NPAT: variants seen among roughly 807,000 people sequenced by gnomAD.
NPAT encodes the protein protein NPAT.
A neutral mutation model predicts 130.7 loss-of-function variants in NPAT; 52 were observed. That is an observed-to-expected ratio of 0.40 (90% confidence interval 0.32 to 0.50). The LOEUF (loss-of-function observed/expected upper bound fraction) is 0.50. NPAT is among the 20% of genes least tolerant of loss of function. NPAT has a pLI of 0.68. For missense variants in NPAT, 1,687 were observed against 1,662.6 expected (o/e 1.01, Z -0.26); for synonymous variants, 580 against 584.8 (o/e 0.99, Z 0.12).
intron 1 of NPAT, among the ~76,000 whole-genome samples, chr11:108,199,470 A>T (rs1427248189): frequency 6.6e-6 from 1 of 152,200 alleles, no homozygotes; most frequent in Non-Finnish European, 1.5e-5. Flanking sequence ...CACTGAATGG[A>T]TCCTGTGTCA....
chr11:108,214,712 A>C (rs897242151), intron 1 of NPAT, among the ~76,000 whole-genome samples: 7 of 149,362 alleles, frequency 4.7e-5, no homozygotes. Flanking sequence ...GGCTCACTGC[A>C]ACCTCTGCCT....
intron 10 of NPAT, among the ~76,000 whole-genome samples, chr11:108,184,345 G>A (rs1382957103): frequency 4.0e-5 from 6 of 151,812 alleles, no homozygotes; most frequent in East Asian, 1.9e-4. Context: ...GGTGGTGGGC[G>A]CCTGTAGTCC....
In NPAT at chr11:108,197,330, T is replaced by A; in HGVS notation, c.128A>T (p.Asp43Val). ...DLKEYAEHCTDEGFIPACLLS... is the reference protein window; with the variant it reads ...DLKEYAEHCTVEGFIPACLLS... Reference sequence around the variant, plus strand: ...TAAGCAGGCTGGAATAAACCCTTCATCTGTACAATGTTCTGCATATTCTTT... The same window carrying A: ...TAAGCAGGCTGGAATAAACCCTTCAACTGTACAATGTTCTGCATATTCTTT... The change falls in exon 2 of 18, where the codon GAT becomes GTT. Residue 43 changes from aspartate to valine, a missense_variant. This residue lies in a region of NPAT where 307 missense variants were observed against 298.9 expected (regional missense o/e 1.03). Transcript: ENST00000278612. The A allele has an allele frequency of 2.5e-6, 4 of 1,610,378 alleles. No individual in the cohort carries two copies. Among genetic ancestry groups the A allele is most frequent in the South Asian group, 1.1e-5 (1 of 91,006 alleles).
intron 1 of NPAT, among the ~76,000 whole-genome samples, chr11:108,204,544 G>A (rs948232350): frequency 3.3e-5 from 5 of 151,356 alleles, no homozygotes; most frequent in African/African-American, 9.7e-5. Flanking sequence ...ACAAAACCCT[G>A]GAACCTGCCG....
chr11:108,210,785 T>C (rs527625125), intron 1 of NPAT, among the ~76,000 whole-genome samples: 35 of 152,310 alleles, frequency 2.3e-4, no homozygotes, highest in African/African-American at 7.7e-4. Context: ...CTACAAAACA[T>C]TGAATGAAAC....
chr11:108,201,891 C>T (rs537504436), intron 1 of NPAT, among the ~76,000 whole-genome samples: 20 of 152,312 alleles, frequency 1.3e-4, no homozygotes, highest in Non-Finnish European at 2.6e-4. Flanking sequence ...CCTATGCGGT[C>T]AGAGAGGACC....
chr11:108,172,546 C>A lies in NPAT; in HGVS notation c.2438G>T (p.Ser813Ile). 1 of 1,614,186 alleles carries A rather than the reference C, an allele frequency of 6.2e-7. No individual in the cohort carries two copies. The highest frequency in any genetic ancestry group is 8.5e-7 in the Non-Finnish European group (1 of 1,180,038). Residue 813 changes from serine (S) to isoleucine (I), a missense_variant, in exon 13 of 18, where the codon AGT (serine) becomes ATT (isoleucine). Around this residue, in one of 3 missense-constraint regions of NPAT, gnomAD observed 1,379 missense variants for 1,346.6 expected, o/e 1.02. Coordinates refer to ENST00000278612, the MANE Select transcript of NPAT (RefSeq NM_002519.3). The part of the protein sequence containing the change: ...EVGDSASMEQ[S>I]LLTFKSEDSA... The stretch of plus-strand genomic sequence containing the variant: ...GTCTTCAGATTTGAATGTTAAAAGA[C>A]TCTGTTCCATTGAGGCTGAATCCCC...
At chr11:108,192,043 T>C (rs1283987058) in intron 4 of NPAT, 75 bp downstream of exon 4, 18 of 964,652 alleles carry the variant, frequency 1.9e-5, no homozygotes, top group Non-Finnish European at 2.9e-5. Flanking sequence ...GTACACTGTG[T>C]AGGTCTTAAG....
At chr11:108,212,836 C>T (rs1156675471) in intron 1 of NPAT, among the ~76,000 whole-genome samples, 1 of 146,056 alleles carries the variant, frequency 6.8e-6, no homozygotes, top group Non-Finnish European at 1.5e-5. Context: ...ATCCCAGCTG[C>T]TAGGGAGGCT....
rs749021695 is a variant in NPAT at position 108,197,338 on chromosome 11, A to C, written c.120T>G (p.His40Gln). The change falls in exon 2 of 18, where the codon CAT becomes CAG. Residue 40 changes from histidine (H) to glutamine (Q), a missense_variant. By Grantham distance (24) the His-to-Gln change is conservative (BLOSUM62 0). Coordinates refer to ENST00000278612, the MANE Select transcript of NPAT (RefSeq NM_002519.3). ...ESSDLKEYAE[H>Q]CTDEGFIPAC... is the part of the protein sequence containing the mutation. ...CTGGAATAAACCCTTCATCTGTACA[A>C]TGTTCTGCATATTCTTTTAAATCTG... 1 of 1,612,484 alleles carries C rather than the reference A, an allele frequency of 6.2e-7. No homozygotes were observed. The highest frequency in any genetic ancestry group is 1.3e-5 in the African/African-American group (1 of 75,016).
At chr11:108,185,160 G>T in intron 10 of NPAT, 72 bp downstream of exon 10, 1 of 1,043,958 alleles carries the variant, frequency 9.6e-7, no homozygotes, top group Non-Finnish European at 1.5e-6. Context: ...GTTTTGAAAT[G>T]AAACCAAAAT....
intron 1 of NPAT, among the ~76,000 whole-genome samples, chr11:108,205,876 C>T (rs2078320576): frequency 6.6e-6 from 1 of 152,094 alleles, no homozygotes; most frequent in African/African-American, 2.4e-5. Flanking sequence ...AACCCCATCT[C>T]TACTAAAAAT....
rs755989439 is a variant in NPAT, at chr11:108,197,334, T to C, written c.124A>G (p.Thr42Ala). ...SDLKEYAEHC[T>A]DEGFIPACLL... ...CAGGCTGGAATAAACCCTTCATCTGTACAATGTTCTGCATATTCTTTTAAA... is the reference window on the plus strand; with the variant it reads ...CAGGCTGGAATAAACCCTTCATCTGCACAATGTTCTGCATATTCTTTTAAA... The change falls in exon 2 of 18, where the codon ACA becomes GCA. Residue 42 changes from threonine to alanine, a missense_variant. Coordinates refer to ENST00000278612, the MANE Select transcript of NPAT (RefSeq NM_002519.3). 1.3e-5 allele frequency: 21 copies of C among 1,611,670 alleles called. No homozygotes were observed. The highest frequency in any genetic ancestry group is 3.3e-5 in the Admixed American group (2 of 60,002).
At chr11:108,211,209 C>T (rs892658566) in intron 1 of NPAT, among the ~76,000 whole-genome samples, 2 of 150,474 alleles carry the variant, frequency 1.3e-5, no homozygotes, top group African/African-American at 2.5e-5. Flanking sequence ...AGTGAGACAC[C>T]GTCTAAAAAA....
intron 1 of NPAT, chr11:108,208,421 C>T (rs1289541897): frequency 8.8e-6 from 4 of 455,704 alleles, no homozygotes; most frequent in South Asian, 6.2e-5. Context: ...GAGAACCCAC[C>T]TCTATGGTTT....
intron 1 of NPAT, among the ~76,000 whole-genome samples, chr11:108,219,317 G>A (rs1294462474): frequency 6.6e-6 from 1 of 152,104 alleles, no homozygotes; most frequent in Non-Finnish European, 1.5e-5. Context: ...CCTCTTGATT[G>A]CTTCCTCTCT....
intron 15 of NPAT, among the ~76,000 whole-genome samples, chr11:108,165,476 T>A (rs1337890395): frequency 2.0e-4 from 29 of 145,330 alleles, no homozygotes; most frequent in Admixed American, 5.5e-4. Flanking sequence ...ATATATATTT[T>A]TTTTTTGTGA....
At chr11:108,192,824 T>G (rs966132472) in intron 3 of NPAT, among the ~76,000 whole-genome samples, 18 of 152,054 alleles carry the variant, frequency 1.2e-4, no homozygotes, top group African/African-American at 4.3e-4. Flanking sequence ...CATGGTGGCG[T>G]GCGCCTATAG....
intron 1 of NPAT, among the ~76,000 whole-genome samples, chr11:108,222,217 T>G (rs2078520920): frequency 6.6e-6 from 1 of 152,188 alleles, no homozygotes. Context: ...TAATTAAGTG[T>G]GGAGGCCTGA....
Sources: gnomAD v4.1 joint callset for allele counts (sites outside exome capture counted in the v4.1 genomes callset) on GRCh38, gnomAD v4.1.1 for gene constraint, gnomAD v4.1.1 regional missense constraint, MANE v1.5 for transcripts, NCBI Gene and HGNC (gene_info 2026-07-23, HGNC 2026-07-21) for gene names.